Variants in AMZ1 observed in about 807,000 individuals in gnomAD.
AMZ1 encodes archaemetzincin-1.
A neutral mutation model predicts 29.9 loss-of-function variants in AMZ1; 39 were observed. The ratio of observed to expected loss-of-function variants is 1.30; its 90% CI spans 1.01 to 1.70. The LOEUF (loss-of-function observed/expected upper bound fraction) is 1.70. Ranked by LOEUF, AMZ1 falls within the 40% of genes most tolerant of loss-of-function variation. The pLI, the probability that AMZ1 is intolerant of heterozygous loss-of-function variation, is 0.00. For synonymous variants in AMZ1, 458 were observed against 304.0 expected, an observed-to-expected ratio of 1.51 and a Z score of -5.27; for missense variants, 1,041 against 680.6, an observed-to-expected ratio of 1.53 and a Z score of -5.89.
In AMZ1 at chr7:2,712,460, C is replaced by T; in HGVS notation, c.1079C>T (p.Pro360Leu). ...SGMCCESDSE[P>L]GTSVSEPLTP... ...ATGTGCTGTGAGAGTGACTCGGAGC[C>T]CGGCACCAGTGTGTCGGAGCCCCTC... The change falls in exon 7 of 7, where the codon CCC (proline) becomes CTC (leucine). Residue 360 changes from proline to leucine, a missense_variant. Pro to Leu is a moderately conservative substitution (Grantham distance 98). Transcript: ENST00000683327. The T allele has an allele frequency of 6.2e-7, 1 of 1,611,278 alleles. No homozygotes were observed. Among genetic ancestry groups the T allele is most frequent in the South Asian group, 1.1e-5 (1 of 91,014 alleles).
At chr7:2,695,104 C>T (rs1787629533) in intron 1 of AMZ1, among the ~76,000 whole-genome samples, 1 of 152,238 alleles carries the variant, frequency 6.6e-6, no homozygotes. Context: ...GTCCTCACGG[C>T]TCCTCCTTGC....
chr7:2,689,370 T>TGGGG (rs59259361), intron 1 of AMZ1, among the ~76,000 whole-genome samples: 9,381 of 148,984 alleles, frequency 0.063, 397 homozygotes, highest in Middle Eastern at 0.11. Flanking sequence ...AGAACCTCCC[T>TGGGG]GGGGGGGGGA....
intron 4 of AMZ1, among the ~76,000 whole-genome samples, chr7:2,749,979 G>A (rs572729328): frequency 6.6e-6 from 1 of 152,206 alleles, no homozygotes; most frequent in Non-Finnish European, 1.5e-5. Flanking sequence ...GTGGGGCAGA[G>A]AATGTTTTTA....
intron 1 of AMZ1, among the ~76,000 whole-genome samples, chr7:2,696,493 G>A (rs377393576): frequency 3.7e-4 from 55 of 150,346 alleles, no homozygotes; most frequent in East Asian, 6.1e-4. Context: ...TCCTGACCTC[G>A]TGATCTGCCC....
intron 1 of AMZ1, among the ~76,000 whole-genome samples, chr7:2,690,674 C>G (rs972599124): frequency 2.6e-5 from 4 of 152,064 alleles, no homozygotes; most frequent in African/African-American, 9.7e-5. Context: ...CCTCTGTGGT[C>G]GTGGCTCCTC....
rs1278377135 is a variant in AMZ1, at chr7:2,713,904, T to A, written c.*1026T>A. ...GTAGCTGGAGGTGGTGATCAGATGATCTGTCTTTCCTTTTTTTTTCGGTCT... is the reference window on the plus strand; with the variant it reads ...GTAGCTGGAGGTGGTGATCAGATGAACTGTCTTTCCTTTTTTTTTCGGTCT... On this transcript the variant is annotated 3_prime_UTR_variant, in exon 7 of 7. Coordinates refer to ENST00000683327, the MANE Select transcript of AMZ1 (RefSeq NM_001384743.1). 1 of 152,184 alleles carries A rather than the reference T, an allele frequency of 6.6e-6. No individual in the cohort carries two copies. Among genetic ancestry groups the A allele is most frequent in the Non-Finnish European group, 1.5e-5 (1 of 68,052 alleles). 9.4% of individuals were successfully genotyped at this position (152,184 alleles called of 1,614,324 possible). A position where few individuals can be genotyped will look rare whatever the true frequency, so the allele number is the denominator to read the frequency against.
chr7:2,738,839 G>GT (rs954616152), intron 4 of AMZ1, among the ~76,000 whole-genome samples: 1 of 152,170 alleles, frequency 6.6e-6, no homozygotes, highest in African/African-American at 2.4e-5. Context: ...TATTTTGTTT[G>GT]TTTTTTTGTT....
chr7:2,722,746 G>A (rs553024762), downstream of AMZ1, among the ~76,000 whole-genome samples: 1 of 152,344 alleles, frequency 6.6e-6, no homozygotes, highest in Admixed American at 6.5e-5. Flanking sequence ...GCTGAGGTGG[G>A]AGGATCACTT....
chr7:2,712,124 GGGGT>G (rs1788821113), intron 6 of AMZ1, among the ~76,000 whole-genome samples: 1 of 152,150 alleles, frequency 6.6e-6, no homozygotes, highest in Admixed American at 6.5e-5. Flanking sequence ...TGAGCTCTTG[GGGGT>G]GGGTACCTCT....
chr7:2,700,796 CAGCTTATATAT>C lies in AMZ1; in HGVS notation c.304+45_304+55del. ...AGCCATCGGCACGCTCCTGGGGGACCAGCTTATATATAGCACAAGTGGGGGATGTCTGTGCA... is the reference window on the plus strand; with the variant it reads ...AGCCATCGGCACGCTCCTGGGGGACCAGCACAAGTGGGGGATGTCTGTGCA... On this transcript the variant is annotated intron_variant, in intron 2 of 6. Coordinates refer to ENST00000683327, the MANE Select transcript of AMZ1 (RefSeq NM_001384743.1). 1.9e-6 allele frequency: 3 copies of C among 1,596,224 alleles called. No individual in the cohort carries two copies. In the South Asian group the frequency reaches 3.3e-5, roughly 18 times the overall value.
intron 4 of AMZ1, among the ~76,000 whole-genome samples, chr7:2,757,089 AAGG>A (rs1386370136): frequency 6.6e-6 from 1 of 150,484 alleles, no homozygotes; most frequent in Non-Finnish European, 1.5e-5. Context: ...CGGGGGAAAA[AAGG>A]AGGTGACCTT....
chr7:2,682,608 C>A (rs1300800374), intron 1 of AMZ1, among the ~76,000 whole-genome samples: 1 of 152,130 alleles, frequency 6.6e-6, no homozygotes, highest in African/African-American at 2.4e-5. Flanking sequence ...GGATTCAGAC[C>A]CCTTTGCCTC....
chr7:2,759,355 C>T (rs567447718), intron 4 of AMZ1, among the ~76,000 whole-genome samples: 27 of 152,264 alleles, frequency 1.8e-4, no homozygotes, highest in African/African-American at 6.3e-4. Flanking sequence ...TATGTGCCTG[C>T]ACTGTTCTAA....
At chr7:2,733,911 G>T (rs1790029712) in intron 4 of AMZ1, among the ~76,000 whole-genome samples, 1 of 152,196 alleles carries the variant, frequency 6.6e-6, no homozygotes, top group Non-Finnish European at 1.5e-5. Flanking sequence ...GTCGAAGATG[G>T]CCTAAGGGAC....
chr7:2,720,338 CTT>C (rs553852189), downstream of AMZ1, among the ~76,000 whole-genome samples: 15 of 152,342 alleles, frequency 9.8e-5, 1 homozygote, highest in South Asian at 2.9e-3. Context: ...AGGGTGAACA[CTT>C]TTTATGCGCT....
At chr7:2,755,084 G>A (rs947883923) in intron 4 of AMZ1, among the ~76,000 whole-genome samples, 2 of 152,186 alleles carry the variant, frequency 1.3e-5, no homozygotes, top group African/African-American at 4.8e-5. Context: ...TCAGTCGGGC[G>A]TGCTGGCGGG....
chr7:2,701,847 T>C (rs1024476532), intron 2 of AMZ1, among the ~76,000 whole-genome samples: 2 of 152,154 alleles, frequency 1.3e-5, no homozygotes, highest in Non-Finnish European at 2.9e-5. Context: ...GGGTGTCCGT[T>C]GGTCTCAGCA....
chr7:2,759,572 T>C lies in AMZ1; in HGVS notation n.551-5140T>C, dbSNP rs1791462733. On this transcript the variant is annotated intron_variant and non_coding_transcript_variant, in intron 4 of 4. Coordinates refer to the AMZ1 transcript ENST00000489665. The stretch of plus-strand genomic sequence containing the variant: ...TACTAGAATAGTGGTGACGCTGGGG[T>C]GGCGGTAGTGGCTCACATGGGGTTT... Among the ~76,000 whole-genome samples the C allele has an allele frequency of 2.6e-5, 4 of 152,238 alleles. No homozygotes were observed. In the South Asian group the frequency reaches 8.3e-4, roughly 32 times the overall value.
intron 4 of AMZ1, among the ~76,000 whole-genome samples, chr7:2,736,007 G>T (rs957000414): frequency 6.6e-6 from 1 of 152,152 alleles, no homozygotes; most frequent in African/African-American, 2.4e-5. Context: ...ACAGAGACTG[G>T]ACAATGCACC....
Sources: gnomAD v4.1 joint callset for allele counts (sites outside exome capture counted in the v4.1 genomes callset) on GRCh38, gnomAD v4.1.1 for gene constraint, MANE v1.5 for transcripts, NCBI Gene and HGNC (gene_info 2026-07-23, HGNC 2026-07-21) for gene names.